Variants in CLDN10 observed in about 807,000 individuals in gnomAD.
CLDN10 encodes claudin-10.
CLDN10 carries 15 observed loss-of-function variants against 22.9 expected under a neutral mutation model. The ratio of observed to expected loss-of-function variants is 0.65; its 90% CI spans 0.44 to 1.01. The LOEUF is 1.01. CLDN10 is among the 50% of genes least tolerant of loss of function. The pLI, the probability that CLDN10 is intolerant of heterozygous loss-of-function variation, is 0.00. For synonymous variants in CLDN10, 114 were observed against 111.4 expected (o/e 1.02, Z -0.15); for missense variants, 247 against 287.8 (o/e 0.86, Z 1.03).
chr13:95,544,579 T>G (rs1284228607), intron 1 of CLDN10, among the ~76,000 whole-genome samples: 1 of 152,190 alleles, frequency 6.6e-6, no homozygotes, highest in East Asian at 1.9e-4. Flanking sequence ...GAGAGGTGTG[T>G]CTGTTATCAG....
At chr13:95,510,776 A>G (rs759582712) in intron 1 of CLDN10, among the ~76,000 whole-genome samples, 5 of 152,176 alleles carry the variant, frequency 3.3e-5, no homozygotes, top group Non-Finnish European at 7.3e-5. Flanking sequence ...TAATATTGAT[A>G]ATTCATAAAT....
intron 1 of CLDN10, among the ~76,000 whole-genome samples, chr13:95,494,451 T>A (rs1423798111): frequency 6.6e-6 from 1 of 152,232 alleles, no homozygotes. Context: ...TTCTAAGGGA[T>A]AATTATTGAT....
At chr13:95,510,398 C>A (rs1029423307) in intron 1 of CLDN10, among the ~76,000 whole-genome samples, 4 of 152,172 alleles carry the variant, frequency 2.6e-5, no homozygotes, top group African/African-American at 9.7e-5. Context: ...GAATTCATTC[C>A]TTCCTTTGCC....
chr13:95,471,941 ATTTTTTTTTTTTT>A (rs58891166), intron 1 of CLDN10, among the ~76,000 whole-genome samples: 1 of 95,814 alleles, frequency 1.0e-5, no homozygotes, highest in Admixed American at 1.2e-4. Context: ...ACACTCAGCT[ATTTTTTTTTTTTT>A]TTTTTTTTTT....
intron 1 of CLDN10, among the ~76,000 whole-genome samples, chr13:95,458,556 C>T (rs570723197): frequency 6.6e-6 from 1 of 152,110 alleles, no homozygotes; most frequent in Non-Finnish European, 1.5e-5. Flanking sequence ...GGGGGAAGAA[C>T]CTCTTATAAA....
At chr13:95,530,068 T>C (rs1425698242) in intron 1 of CLDN10, among the ~76,000 whole-genome samples, 1 of 152,212 alleles carries the variant, frequency 6.6e-6, no homozygotes, top group Non-Finnish European at 1.5e-5. Flanking sequence ...TAATGCTTTT[T>C]AGTGCCCACA....
chr13:95,576,169 C>T (rs577484938), intron 3 of CLDN10, among the ~76,000 whole-genome samples: 2 of 152,138 alleles, frequency 1.3e-5, no homozygotes, highest in Non-Finnish European at 2.9e-5. Context: ...GATACCGAAG[C>T]CTGGCCTCAG....
intron 1 of CLDN10, among the ~76,000 whole-genome samples, chr13:95,542,606 A>T (rs1483179710): frequency 6.6e-6 from 1 of 152,218 alleles, no homozygotes; most frequent in African/African-American, 2.4e-5. Context: ...CAGGAGTTCA[A>T]GACCAGCCTG....
intron 3 of CLDN10, among the ~76,000 whole-genome samples, chr13:95,571,134 G>T (rs185148944): frequency 6.6e-6 from 1 of 151,748 alleles, no homozygotes; most frequent in Non-Finnish European, 1.5e-5. Context: ...CAAAGAAAAC[G>T]TCTAGAAAGC....
chr13:95,552,074 A>G (rs34574668), upstream of CLDN10, among the ~76,000 whole-genome samples: 15,071 of 152,256 alleles, frequency 0.099, 1,023 homozygotes, highest in Middle Eastern at 0.14. Flanking sequence ...ATCTGCTGCT[A>G]TCTTGACTTT....
chr13:95,567,242 C>T (rs2043798656), intron 3 of CLDN10, among the ~76,000 whole-genome samples: 1 of 152,094 alleles, frequency 6.6e-6, no homozygotes, highest in African/African-American at 2.4e-5. Context: ...ATTGATTCTT[C>T]CTATCCATGA....
upstream of CLDN10, among the ~76,000 whole-genome samples, chr13:95,549,671 C>A (rs1323333395): frequency 2.0e-5 from 3 of 152,200 alleles, no homozygotes; most frequent in African/African-American, 7.2e-5. Context: ...CAACATACAG[C>A]TTTCCACAGT....
chr13:95,534,694 T>C (rs1419048032), intron 1 of CLDN10, among the ~76,000 whole-genome samples: 2 of 152,176 alleles, frequency 1.3e-5, no homozygotes, highest in Non-Finnish European at 2.9e-5. Flanking sequence ...GATAAGAACA[T>C]GTGTTTTGGA....
At chr13:95,508,599 C>T (rs368762852) in intron 1 of CLDN10, among the ~76,000 whole-genome samples, 4 of 152,240 alleles carry the variant, frequency 2.6e-5, no homozygotes, top group East Asian at 3.8e-4. Context: ...GGCGGACAAC[C>T]GCCCAACTGT....
intron 1 of CLDN10, among the ~76,000 whole-genome samples, chr13:95,484,995 G>C (rs8002639): frequency 0.54 from 81,747 of 151,776 alleles, 22,586 homozygotes; most frequent in African/African-American, 0.65. Flanking sequence ...TTCCGCCCTA[G>C]AGTTGAGAGG....
At chr13:95,479,104 A>T (rs2042715074) in intron 1 of CLDN10, among the ~76,000 whole-genome samples, 1 of 152,208 alleles carries the variant, frequency 6.6e-6, no homozygotes, top group African/African-American at 2.4e-5. Context: ...TAATCCCAGC[A>T]CTTTGGGAGG....
At chr13:95,496,126 C>G (rs1312063808) in intron 1 of CLDN10, among the ~76,000 whole-genome samples, 1 of 152,216 alleles carries the variant, frequency 6.6e-6, no homozygotes, top group Non-Finnish European at 1.5e-5. Context: ...CAGGCTGTGT[C>G]TGCATTCTTC....
chr13:95,561,764 CTTT>C (rs201890987), intron 3 of CLDN10, among the ~76,000 whole-genome samples: 3 of 135,300 alleles, frequency 2.2e-5, no homozygotes, highest in Admixed American at 7.5e-5. Flanking sequence ...TTCTTTCGTC[CTTT>C]TTTTTTTTTT....
chr13:95,489,386 T>TG (rs1029542386), intron 1 of CLDN10, among the ~76,000 whole-genome samples: 2 of 152,154 alleles, frequency 1.3e-5, no homozygotes, highest in African/African-American at 4.8e-5. Flanking sequence ...CAACGTCTAC[T>TG]GGTTTTTTTT....
Sources: gnomAD v4.1 joint callset for allele counts (sites outside exome capture counted in the v4.1 genomes callset) on GRCh38, gnomAD v4.1.1 for gene constraint, MANE v1.5 for transcripts, NCBI Gene and HGNC (gene_info 2026-07-23, HGNC 2026-07-21) for gene names.